The following SLC25A12 variants were observed in gnomAD, a reference collection of about 807,000 sequenced individuals.
SLC25A12 encodes solute carrier family 25 member 12, also known as electrogenic aspartate/glutamate antiporter SLC25A12, mitochondrial.
Under a neutral mutation model 83.3 loss-of-function variants are expected in SLC25A12, and 32 were observed. That is an observed-to-expected ratio of 0.38 (90% CI 0.29 to 0.52). SLC25A12 has a LOEUF of 0.52. SLC25A12 is among the 20% of genes least tolerant of loss of function. The pLI, the probability that SLC25A12 is intolerant of heterozygous loss-of-function variation, is 0.84. For synonymous variants in SLC25A12, 267 were observed against 291.1 expected, an observed-to-expected ratio of 0.92 and a Z score of 0.84; for missense variants, 611 against 835.6, an observed-to-expected ratio of 0.73 and a Z score of 3.31.
chr2:171,871,074 C>T (rs1685447049), intron 2 of SLC25A12, among the ~76,000 whole-genome samples: 1 of 152,122 alleles, frequency 6.6e-6, no homozygotes, highest in Non-Finnish European at 1.5e-5. Context: ...TGGTGGTGCA[C>T]ACCTGTACTC....
intron 11 of SLC25A12, among the ~76,000 whole-genome samples, chr2:171,810,602 A>T (rs1397405390): frequency 6.6e-6 from 1 of 152,228 alleles, no homozygotes; most frequent in East Asian, 1.9e-4. Context: ...TGCCAATAAC[A>T]ATGTAACCAA....
chr2:171,801,915 G>C (rs1244425148), intron 13 of SLC25A12, among the ~76,000 whole-genome samples: 1 of 71,576 alleles, frequency 1.4e-5, no homozygotes, highest in African/African-American at 6.3e-5. Flanking sequence ...ATCTGTGTGT[G>C]TGTGTGTGTG....
At chr2:171,861,798 T>C (rs1685166764) in intron 3 of SLC25A12, among the ~76,000 whole-genome samples, 1 of 152,176 alleles carries the variant, frequency 6.6e-6, no homozygotes, top group South Asian at 2.1e-4. Context: ...ATAGAATATA[T>C]GCAAACCACA....
intron 9 of SLC25A12, among the ~76,000 whole-genome samples, chr2:171,822,341 T>C (rs1262058145): frequency 1.3e-5 from 2 of 152,220 alleles, no homozygotes; most frequent in Non-Finnish European, 2.9e-5. Context: ...TTATTACTCA[T>C]GTAATTCCCA....
chr2:171,870,571 T>C (rs1685436928), intron 2 of SLC25A12, among the ~76,000 whole-genome samples: 1 of 151,940 alleles, frequency 6.6e-6, no homozygotes, highest in Middle Eastern at 3.2e-3. Flanking sequence ...CAGTGAGCAG[T>C]GATCATGCCA....
Position 171,784,943 on chromosome 2 carries a change from G to A in SLC25A12, c.*331C>T. The A allele has an allele frequency of 3.2e-6, 1 of 310,128 alleles. No homozygotes were observed. The highest frequency in any genetic ancestry group is 6.3e-6 in the Non-Finnish European group (1 of 158,694). 19.2% of individuals were successfully genotyped at this position (310,128 alleles called of 1,614,324 possible). ...CATTTCTACAAATGTGATTTGTTGG[G>A]ATGAGGTGCCAAGATGTCTCTGTAC... On this transcript the variant is annotated 3_prime_UTR_variant, in exon 18 of 18. Transcript: ENST00000422440.
chr2:171,864,417 T>C (rs1392782844), intron 3 of SLC25A12, among the ~76,000 whole-genome samples: 4 of 152,236 alleles, frequency 2.6e-5, no homozygotes, highest in Admixed American at 6.5e-5. Context: ...TCTAGCAAGA[T>C]GCCCCTTGTT....
chr2:171,837,541 A>G (rs1463067263), intron 5 of SLC25A12, among the ~76,000 whole-genome samples: 1 of 152,248 alleles, frequency 6.6e-6, no homozygotes, highest in Admixed American at 6.5e-5. Flanking sequence ...ATTTTACTTG[A>G]CAAGTTTTCA....
chr2:171,889,252 C>T (rs78558521), intron 2 of SLC25A12, among the ~76,000 whole-genome samples: 1 of 152,204 alleles, frequency 6.6e-6, no homozygotes, highest in South Asian at 2.1e-4. Context: ...CTAACCCCAT[C>T]CCCCCAAAAA....
At chr2:171,834,420 T>C in intron 7 of SLC25A12, 1 of 460,912 alleles carries the variant, frequency 2.2e-6, no homozygotes. Context: ...CCAAAAGGAG[T>C]AGGCTTGCTC....
intron 2 of SLC25A12, among the ~76,000 whole-genome samples, chr2:171,878,730 C>CAGTA (rs1685622947): frequency 6.6e-6 from 1 of 152,198 alleles, no homozygotes; most frequent in African/African-American, 2.4e-5. Flanking sequence ...ATGACAATAT[C>CAGTA]ATGAAGTTTA....
chr2:171,866,755 G>C (rs1171166522), intron 3 of SLC25A12, among the ~76,000 whole-genome samples: 1 of 143,464 alleles, frequency 7.0e-6, no homozygotes, highest in African/African-American at 2.6e-5. Context: ...CGGCTGGCCG[G>C]GTGGGGGGCT....
chr2:171,870,595 T>C (rs1685438002), intron 2 of SLC25A12, among the ~76,000 whole-genome samples: 2 of 152,136 alleles, frequency 1.3e-5, no homozygotes, highest in Admixed American at 6.5e-5. Flanking sequence ...TACTCCAGCC[T>C]GGGCAACAGA....
rs1683465131 is a variant in SLC25A12 at position 171,791,699 on chromosome 2, C to G, written c.1447-110G>C. 5 of 1,027,178 alleles carry G rather than the reference C, an allele frequency of 4.9e-6. No individual in the cohort carries two copies. In the Admixed American group the frequency reaches 8.7e-5, roughly 18 times the overall value. 63.6% of individuals were successfully genotyped at this position (1,027,178 alleles called of 1,614,324 possible). A position where few individuals can be genotyped will look rare whatever the true frequency, so the allele number is the denominator to read the frequency against. On this transcript the variant is annotated intron_variant, in intron 14 of 17. Transcript: ENST00000422440. ...ACAAGCTTGAGGTGTCCCTCAGTGA[C>G]AAGCCTGAGGTGTCCCTTAAACAGC...
At chr2:171,786,526 C>T (rs979606640) in intron 17 of SLC25A12, among the ~76,000 whole-genome samples, 13 of 152,010 alleles carry the variant, frequency 8.6e-5, no homozygotes, top group African/African-American at 3.1e-4. Context: ...TTGCATAGGT[C>T]CCTCCACTTG....
In SLC25A12 at chr2:171,805,443, A is replaced by G. The variant is rs112515365; in HGVS notation, c.1305+4163T>C. ...GGTATTTTTAAAATTTGCATGAAAG[A>G]TATCAGGTATTCAATGAGTAAGTGA... On this transcript the variant is annotated intron_variant, in intron 13 of 17. Transcript: ENST00000422440. 2.2e-4 allele frequency among the ~76,000 whole-genome samples: 34 copies of G among 152,288 alleles called. 1 individual carries two copies. Among genetic ancestry groups the G allele is most frequent in the African/African-American group, 7.7e-4 (32 of 41,574 alleles).
intron 8 of SLC25A12, among the ~76,000 whole-genome samples, chr2:171,827,574 T>C (rs1684331711): frequency 6.6e-6 from 1 of 152,228 alleles, no homozygotes; most frequent in African/African-American, 2.4e-5. Context: ...GTGTAACCGA[T>C]AGGAAACCTC....
chr2:171,873,014 G>A (rs1391475720), intron 2 of SLC25A12, among the ~76,000 whole-genome samples: 3 of 152,088 alleles, frequency 2.0e-5, no homozygotes, highest in Non-Finnish European at 2.9e-5. Flanking sequence ...TTTATTCTGC[G>A]AGCTGTGGGA....
At chr2:171,813,528 AAG>A in intron 10 of SLC25A12, 31 bp from the exon 11 acceptor site, 1 of 1,611,988 alleles carries the variant, frequency 6.2e-7, no homozygotes, top group Non-Finnish European at 8.5e-7. Flanking sequence ...AGGCTTAAAA[AAG>A]AACACAATTA....
Sources: allele counts gnomAD v4.1 joint callset (sites outside exome capture counted in the v4.1 genomes callset), GRCh38; gene constraint gnomAD v4.1.1; transcripts MANE v1.5; gene names NCBI Gene and HGNC (gene_info 2026-07-23, HGNC 2026-07-21).